ZP3: variants seen among roughly 807,000 people sequenced by gnomAD.
The protein encoded by ZP3 is zona pellucida sperm-binding protein 3.
A neutral mutation model predicts 35.6 loss-of-function variants in ZP3; 21 were observed. The observed-to-expected ratio is 0.59, with a 90% CI of 0.42 to 0.85. The LOEUF is 0.85. ZP3 is among the 40% of genes least tolerant of loss of function. ZP3 has a pLI of 0.00. For synonymous variants in ZP3, 207 were observed against 214.5 expected, an observed-to-expected ratio of 0.96 and a Z score of 0.31; for missense variants, 437 against 536.5, an observed-to-expected ratio of 0.81 and a Z score of 1.83.
chr7:76,413,815 CGCCACCAT>C (rs1805306005), intron 1 of ZP3, among the ~76,000 whole-genome samples: 1 of 150,560 alleles, frequency 6.6e-6, no homozygotes, highest in South Asian at 2.1e-4. Context: ...TACAGGCGTG[CGCCACCAT>C]GCCCAGCTAA....
intron 1 of ZP3, among the ~76,000 whole-genome samples, chr7:76,417,229 T>C (rs1228133174): frequency 6.6e-6 from 1 of 151,708 alleles, no homozygotes; most frequent in African/African-American, 2.4e-5. Context: ...GGCTAATTTG[T>C]TGTATTTTCA....
chr7:76,425,080 T>C lies in ZP3; in HGVS notation c.116T>C (p.Val39Ala). 1 of 1,613,632 alleles carries C rather than the reference T, an allele frequency of 6.2e-7. No homozygotes were observed. Among genetic ancestry groups the C allele is most frequent in the South Asian group, 1.1e-5 (1 of 91,030 alleles). ...QGGASHPETS[V>A]QPVLVECQEA... is the part of the protein sequence containing the mutation. The stretch of plus-strand genomic sequence containing the variant: ...GGAGCCAGCCATCCTGAGACGTCCG[T>C]ACAGCCCGTACTGGTGGAGTGTCAG... Residue 39 changes from valine (V) to alanine (A), a missense_variant, in exon 1 of 8, where the codon GTA becomes GCA. Physicochemically the swap from Val to Ala is moderately conservative, Grantham distance 64 (BLOSUM62 0). Around this residue, in one of 6 missense-constraint regions of ZP3, gnomAD observed 352 missense variants for 308.4 expected, o/e 1.14. Transcript: ENST00000394857.
Position 76,432,981 on chromosome 7 carries a change from C to G in ZP3, c.486C>G (p.Thr162=). 6.2e-7 allele frequency: 1 copy of G among 1,614,140 alleles called. No homozygotes were observed. Among genetic ancestry groups the G allele is most frequent in the East Asian group, 2.2e-5 (1 of 44,892 alleles). The stretch of plus-strand genomic sequence containing the variant: ...TGCCCACCTGGTTGCCCTTCAGGAC[C>G]ACGGTGTTCTCAGAGGAGAAGCTGA... ...AILPTWLPFR[T]TVFSEEKLTF... The change falls in exon 3 of 8, where the codon ACC becomes ACG. Residue 162 remains threonine, a synonymous_variant. Coordinates refer to ENST00000394857, the MANE Select transcript of ZP3 (RefSeq NM_001110354.2).
intron 5 of ZP3, among the ~76,000 whole-genome samples, chr7:76,437,392 T>C (rs1320946928): frequency 3.3e-5 from 5 of 151,918 alleles, no homozygotes; most frequent in African/African-American, 1.2e-4. Flanking sequence ...GTCAGGCTGG[T>C]CTTAAACTCC....
At chr7:76,438,538 G>GAAAAAA (rs71085417) in intron 5 of ZP3, among the ~76,000 whole-genome samples, 1,701 of 87,810 alleles carry the variant, frequency 0.019, 14 homozygotes, top group African/African-American at 0.047. Flanking sequence ...CTCCGTCTCA[G>GAAAAAA]AAAAAAAAAA....
chr7:76,431,253 G>T (rs1805817672), intron 2 of ZP3, among the ~76,000 whole-genome samples: 1 of 152,222 alleles, frequency 6.6e-6, no homozygotes, highest in African/African-American at 2.4e-5. Context: ...GGAGTCAAGG[G>T]CAGGCTGCCC....
chr7:76,401,231 C>T (rs1202324162), intron 1 of ZP3, among the ~76,000 whole-genome samples: 1 of 152,046 alleles, frequency 6.6e-6, no homozygotes, highest in Admixed American at 6.6e-5. Context: ...CTGCCTCACC[C>T]CTCTCCTAGT....
intron 4 of ZP3, 176 bp downstream of exon 4, chr7:76,433,823 C>T (rs758126619): frequency 9.7e-7 from 1 of 1,034,738 alleles, no homozygotes; most frequent in Admixed American, 2.6e-5. Context: ...CTCAGCCCCC[C>T]AAGTAGCTGA....
chr7:76,431,469 T>C (rs953552500), intron 2 of ZP3, among the ~76,000 whole-genome samples: 24 of 152,290 alleles, frequency 1.6e-4, no homozygotes, highest in African/African-American at 5.5e-4. Flanking sequence ...GAGTAGCTTC[T>C]TCCAGCAGAT....
chr7:76,423,208 AG>A, upstream of ZP3, among the ~76,000 whole-genome samples: 1 of 150,790 alleles, frequency 6.6e-6, no homozygotes, highest in South Asian at 2.1e-4. Context: ...AGGGAGAGAG[AG>A]GGAAAGAGAG....
chr7:76,425,597 C>A (rs1805627666), intron 1 of ZP3, among the ~76,000 whole-genome samples: 1 of 151,214 alleles, frequency 6.6e-6, no homozygotes, highest in African/African-American at 2.4e-5. Context: ...CTGTGGGTAG[C>A]CTAAGGGGCT....
At chr7:76,415,364 CAAA>C (rs528001072) in intron 1 of ZP3, among the ~76,000 whole-genome samples, 1 of 63,524 alleles carries the variant, frequency 1.6e-5, no homozygotes, top group Admixed American at 1.9e-4. Flanking sequence ...GACTCCGTCT[CAAA>C]AAAAAAAAAA....
intron 5 of ZP3, among the ~76,000 whole-genome samples, chr7:76,436,042 T>C (rs1805995039): frequency 2.1e-3 from 60 of 28,120 alleles, no homozygotes; most frequent in African/African-American, 0.011. Context: ...TTTTTTTTTT[T>C]TTTTTTTTTT....
At chr7:76,422,139 C>T (rs146145003), upstream of ZP3, among the ~76,000 whole-genome samples, 25,003 of 151,876 alleles carry the variant, frequency 0.16, 2,365 homozygotes, top group Non-Finnish European at 0.23. Flanking sequence ...TCAGGTGATC[C>T]GCCCACCTCG....
intron 5 of ZP3, among the ~76,000 whole-genome samples, chr7:76,435,017 A>G (rs1805948255): frequency 6.6e-6 from 1 of 152,218 alleles, no homozygotes; most frequent in African/African-American, 2.4e-5. Context: ...TGCAGGTGCA[A>G]GGACCAACAT....
At chr7:76,433,781 C>T (rs191604163) in intron 4 of ZP3, 134 bp downstream of exon 4, 2 of 1,110,418 alleles carry the variant, frequency 1.8e-6, no homozygotes, top group East Asian at 4.9e-5. Context: ...CCTCTGCAAC[C>T]TCTGCCTCCC....
intron 5 of ZP3, among the ~76,000 whole-genome samples, chr7:76,436,481 C>T (rs1323904741): frequency 7.9e-5 from 12 of 152,382 alleles, no homozygotes; most frequent in Admixed American, 4.6e-4. Flanking sequence ...GAGGCTCATA[C>T]GTCAGGGTGG....
chr7:76,412,923 C>CTTTCT (rs764259080), intron 1 of ZP3, among the ~76,000 whole-genome samples: 1 of 149,244 alleles, frequency 6.7e-6, no homozygotes, highest in Non-Finnish European at 1.5e-5. Context: ...CTATACATTC[C>CTTTCT]TTTCTTTTCT....
rs1261169711 is a variant in ZP3 at position 76,399,964 on chromosome 7, C to T, written c.-67+2167C>T. The stretch of plus-strand genomic sequence containing the variant: ...TATGATCACACCACTGCACTCTGGT[C>T]GGGACCAAACAGTGAGACCTCATCT... On this transcript the variant is annotated intron_variant, in intron 1 of 8. Coordinates refer to the ZP3 transcript ENST00000336517. Among the ~76,000 whole-genome samples the T allele has an allele frequency of 3.3e-5, 5 of 152,064 alleles. 1 individual carries two copies. The highest frequency in any genetic ancestry group is 1.3e-4 in the Admixed American group (2 of 15,248).
Sources: gnomAD v4.1 joint callset for allele counts (sites outside exome capture counted in the v4.1 genomes callset) on GRCh38, gnomAD v4.1.1 for gene constraint, gnomAD v4.1.1 regional missense constraint, MANE v1.5 for transcripts, NCBI Gene and HGNC (gene_info 2026-07-23, HGNC 2026-07-21) for gene names.